The following ZNF658 variants were observed in gnomAD, a reference collection of about 807,000 sequenced individuals.
ZNF658 encodes the protein zinc finger protein 658.
Under a neutral mutation model 78.0 loss-of-function variants are expected in ZNF658, and 46 were observed. That is an observed-to-expected ratio of 0.59 (90% CI 0.47 to 0.75). ZNF658 has a LOEUF of 0.75. ZNF658 is among the 30% of genes least tolerant of loss of function. The probability of loss-of-function intolerance (pLI) is 0.00; values close to 1 mark genes in which losing one functional copy is unlikely to be tolerated. For missense variants in ZNF658, 785 were observed against 1,189.3 expected (o/e 0.66, Z 5.00); for synonymous variants, 279 against 408.4 (o/e 0.68, Z 3.82).
chr9:66,917,340 G>C (rs1308007764), intron 4 of ZNF658, among the ~76,000 whole-genome samples: 1 of 148,760 alleles, frequency 6.7e-6, no homozygotes, highest in Non-Finnish European at 1.5e-5. Context: ...AAACAGCATG[G>C]ATGAGGAGAG....
intron 4 of ZNF658, among the ~76,000 whole-genome samples, chr9:66,910,965 G>C (rs538185521): frequency 1.3e-5 from 2 of 151,844 alleles, no homozygotes; most frequent in Admixed American, 1.3e-4. Flanking sequence ...TTAAGGATTT[G>C]AATGACTGCA....
chr9:66,910,738 G>A (rs1220679797), intron 4 of ZNF658, among the ~76,000 whole-genome samples: 3 of 150,430 alleles, frequency 2.0e-5, no homozygotes, highest in Admixed American at 6.7e-5. Flanking sequence ...AGAGCTTGCA[G>A]TGAGCCGAGA....
chr9:66,905,227 C>G (rs1309742313), intron 2 of ZNF658, among the ~76,000 whole-genome samples: 3 of 151,370 alleles, frequency 2.0e-5, no homozygotes, highest in African/African-American at 4.9e-5. Flanking sequence ...AGACATTCAC[C>G]ACCATGTCTG....
intron 6 of ZNF658, among the ~76,000 whole-genome samples, chr9:66,927,779 T>C (rs1822600142): frequency 6.8e-6 from 1 of 147,800 alleles, no homozygotes; most frequent in Non-Finnish European, 1.5e-5. Context: ...AATTTGCTTA[T>C]CTTAGATAGT....
At chr9:66,917,617 G>A (rs1587365248) in intron 4 of ZNF658, among the ~76,000 whole-genome samples, 188 bp from the exon 5 acceptor site, 1 of 122,136 alleles carries the variant, frequency 8.2e-6, no homozygotes, top group East Asian at 2.2e-4. Context: ...GGAGGCTGAA[G>A]TGGGAGGATC....
chr9:66,928,332 G>GA (rs1822605617), intron 6 of ZNF658, among the ~76,000 whole-genome samples: 1 of 151,790 alleles, frequency 6.6e-6, no homozygotes, highest in African/African-American at 2.4e-5. Flanking sequence ...AGGTGAATTG[G>GA]AAAAAAAGCA....
chr9:66,911,700 C>T lies in ZNF658; in HGVS notation c.238+2966C>T, dbSNP rs189047855. ...TCAGGATACATCTGTAAAGAGATAACGCTATACCAAACACAATCCCATTCA... is the reference window on the plus strand; with the variant it reads ...TCAGGATACATCTGTAAAGAGATAATGCTATACCAAACACAATCCCATTCA... On this transcript the variant is annotated intron_variant, in intron 4 of 4. Coordinates refer to ENST00000621410, the MANE Select transcript of ZNF658 (RefSeq NM_033160.7). Among the ~76,000 whole-genome samples, 409 of 92,840 alleles carry T rather than the reference C, an allele frequency of 4.4e-3. 135 individuals are homozygous for T. Among genetic ancestry groups the T allele is most frequent in the African/African-American group, 0.017 (262 of 15,324 alleles). The allele number at this position is 92,840 out of a possible 152,430, so 60.9% of individuals were successfully genotyped here. A position where few individuals can be genotyped will look rare whatever the true frequency, so the allele number is the denominator to read the frequency against.
intron 4 of ZNF658, among the ~76,000 whole-genome samples, chr9:66,916,471 A>C (rs1372875639): frequency 1.4e-5 from 2 of 145,286 alleles, no homozygotes; most frequent in African/African-American, 2.6e-5. Flanking sequence ...TCTAGAATAT[A>C]GTCTGTTTTG....
chr9:66,929,390 C>T (rs1822617980), intron 6 of ZNF658, among the ~76,000 whole-genome samples: 1 of 134,478 alleles, frequency 7.4e-6, no homozygotes, highest in African/African-American at 2.9e-5. Context: ...CCATTGCAGG[C>T]ACGGGGAAAT....
At chr9:66,929,106 A>T (rs1822615150) in intron 6 of ZNF658, among the ~76,000 whole-genome samples, 1 of 152,146 alleles carries the variant, frequency 6.6e-6, no homozygotes, top group Middle Eastern at 3.2e-3. Flanking sequence ...AAATCTGTTT[A>T]AACTCAGTAA....
chr9:66,926,571 G>T (rs1383844722), intron 6 of ZNF658, among the ~76,000 whole-genome samples: 13 of 138,716 alleles, frequency 9.4e-5, no homozygotes, highest in African/African-American at 3.2e-4. Context: ...AATTTAAAAG[G>T]ACACAAGTAA....
chr9:66,907,892 G>A (rs913659603), intron 2 of ZNF658, among the ~76,000 whole-genome samples: 24 of 151,290 alleles, frequency 1.6e-4, no homozygotes, highest in African/African-American at 5.6e-4. Context: ...CTCTTCCTTA[G>A]CCCCCAGAAT....
Position 66,920,858 on chromosome 9 carries a change from A to G in ZNF658, c.*112A>G, listed in dbSNP as rs1490366152. ...TTCATTAGGCTCATAGTTTGTGGAA[A>G]AATCCCAATATGCCGTTTATTCAGG... is the stretch of plus-strand genomic sequence containing the variant. On this transcript the variant is annotated 3_prime_UTR_variant, in exon 5 of 5. Coordinates refer to ENST00000621410, the MANE Select transcript of ZNF658 (RefSeq NM_033160.7). The G allele has an allele frequency of 2.9e-6, 2 of 689,840 alleles. No individual in the cohort carries two copies. The highest frequency in any genetic ancestry group is 1.8e-5 in the African/African-American group (1 of 55,740). 42.7% of individuals were successfully genotyped at this position (689,840 alleles called of 1,614,324 possible). A position where few individuals can be genotyped will look rare whatever the true frequency, so the allele number is the denominator to read the frequency against.
chr9:66,918,721 A>G lies in ZNF658; in HGVS notation c.1155A>G (p.Glu385=). Residue 385 remains glutamate, a synonymous_variant, in exon 5 of 5, where the codon GAA becomes GAG. Coordinates refer to ENST00000621410, the MANE Select transcript of ZNF658 (RefSeq NM_033160.7). The stretch of plus-strand genomic sequence containing the variant: ...AAGATAAATTCTACCTTTCTGATGA[A>G]CATGGGAAATGCAGAAAATCCTTTT... ...HTEDKFYLSD[E]HGKCRKSFYR... 6.2e-7 allele frequency: 1 copy of G among 1,613,998 alleles called. No individual in the cohort carries two copies. The highest frequency in any genetic ancestry group is 1.1e-5 in the South Asian group (1 of 91,080).
At chr9:66,901,425 G>A (rs1434015252) in intron 1 of ZNF658, among the ~76,000 whole-genome samples, 7 of 151,964 alleles carry the variant, frequency 4.6e-5, no homozygotes, top group Non-Finnish European at 1.0e-4. Context: ...AGCCTTCAGA[G>A]CGCTTATGCA....
At chr9:66,927,501 G>C (rs1229569921) in intron 6 of ZNF658, among the ~76,000 whole-genome samples, 1 of 150,886 alleles carries the variant, frequency 6.6e-6, no homozygotes, top group Non-Finnish European at 1.5e-5. Context: ...CCCACTTCTG[G>C]GTATTTATCC....
chr9:66,913,584 T>C (rs1364764318), intron 4 of ZNF658, among the ~76,000 whole-genome samples: 1 of 152,138 alleles, frequency 6.6e-6, no homozygotes, highest in Non-Finnish European at 1.5e-5. Flanking sequence ...TGAATATTAA[T>C]TTTGATAAAG....
chr9:66,918,180 A>G lies in ZNF658; in HGVS notation c.614A>G (p.His205Arg). 6.2e-7 allele frequency: 1 copy of G among 1,607,610 alleles called. No homozygotes were observed. The highest frequency in any genetic ancestry group is 8.5e-7 in the Non-Finnish European group (1 of 1,177,708). The stretch of plus-strand genomic sequence containing the variant: ...GCTTTCAGTTATAAGAAAGATCAGC[A>G]TTGGAAATTTCAAACTTTGGAGGAA... Reference protein sequence around the residue: ...AKAFSYKKDQHWKFQTLEESF... With the variant: ...AKAFSYKKDQRWKFQTLEESF... The change falls in exon 5 of 5, where the codon CAT becomes CGT. Residue 205 changes from histidine to arginine, a missense_variant. Physicochemically the swap from His to Arg is conservative, Grantham distance 29. This residue lies in a region of ZNF658 where 393 missense variants were observed against 400.2 expected (regional missense o/e 0.98). Transcript: ENST00000621410.
At chr9:66,930,434 G>A (rs938691039) in intron 6 of ZNF658, among the ~76,000 whole-genome samples, 1 of 144,956 alleles carries the variant, frequency 6.9e-6, no homozygotes, top group South Asian at 2.4e-4. Context: ...TTTAAAGCTG[G>A]GACTTGTCCA....
Sources: gnomAD v4.1 joint callset for allele counts (sites outside exome capture counted in the v4.1 genomes callset) on GRCh38, gnomAD v4.1.1 for gene constraint, gnomAD v4.1.1 regional missense constraint, MANE v1.5 for transcripts, NCBI Gene and HGNC (gene_info 2026-07-23, HGNC 2026-07-21) for gene names.